Variants in ADGRE2 observed in about 807,000 individuals in gnomAD.
ADGRE2 encodes CD97 antigen.
A neutral mutation model predicts 100.8 loss-of-function variants in ADGRE2; 83 were observed. That is an observed-to-expected ratio of 0.82 (90% confidence interval 0.69 to 0.99). The LOEUF is 0.99. ADGRE2 is among the 50% of genes least tolerant of loss of function. The probability of loss-of-function intolerance (pLI) is 0.00; values close to 1 mark genes in which losing one functional copy is unlikely to be tolerated. For missense variants in ADGRE2, 814 were observed against 1,035.7 expected, an observed-to-expected ratio of 0.79 and a Z score of 2.94; for synonymous variants, 355 against 413.0, an observed-to-expected ratio of 0.86 and a Z score of 1.70.
intron 5 of ADGRE2, among the ~76,000 whole-genome samples, chr19:14,770,674 T>TTTTTC (rs1568623153): frequency 0.088 from 2,335 of 26,638 alleles, 337 homozygotes; most frequent in African/African-American, 0.27. Context: ...CTTTTCTTTT[T>TTTTTC]TTTTTTTTTT....
intron 5 of ADGRE2, among the ~76,000 whole-genome samples, chr19:14,771,727 G>A (rs1032985444): frequency 7.9e-5 from 12 of 151,690 alleles, no homozygotes; most frequent in South Asian, 2.1e-4. Flanking sequence ...TGAAACCTCC[G>A]ACTCCCTGGT....
rs139418141 is a variant in ADGRE2, at chr19:14,765,379, C to T, written c.847G>A (p.Asp283Asn). The T allele has an allele frequency of 2.8e-5, 45 of 1,614,028 alleles. No individual in the cohort carries two copies. Among genetic ancestry groups the T allele is most frequent in the African/African-American group, 1.7e-4 (13 of 74,926 alleles). ...VHSQTLSRFF[D>N]KVQDLGRDYK... ...TCTCTGCCCAGGTCCTGGACTTTGT[C>T]GAAGAATCGGGAAAGCGTCTGCAGA... Residue 283 changes from aspartate (D) to asparagine (N), a missense_variant, in exon 10 of 21, where the codon GAC (aspartate) becomes AAC (asparagine). Around this residue, in one of 5 missense-constraint regions of ADGRE2, gnomAD observed 569 missense variants for 692.7 expected, o/e 0.82. Transcript: ENST00000315576.
intron 4 of ADGRE2, among the ~76,000 whole-genome samples, chr19:14,773,298 C>T (rs1348965949): frequency 1.3e-5 from 2 of 148,516 alleles, no homozygotes; most frequent in South Asian, 2.2e-4. Context: ...CCCTTCCTTC[C>T]TTCCTTCTTT....
At chr19:14,745,120 C>T (rs1396486775) in intron 18 of ADGRE2, among the ~76,000 whole-genome samples, 1 of 151,932 alleles carries the variant, frequency 6.6e-6, no homozygotes. Flanking sequence ...TTTGGCCAGG[C>T]TGGTCTCGAA....
At chr19:14,749,531 T>TGGTTATATAATTATTTATAG (rs1162888996) in intron 16 of ADGRE2, among the ~76,000 whole-genome samples, 13 of 118,070 alleles carry the variant, frequency 1.1e-4, no homozygotes, top group African/African-American at 5.4e-4. Context: ...AATATAATTA[T>TGGTTATATAATTATTTATAG]TTATGGTTAT....
At chr19:14,773,759 G>A (rs983904443) in intron 4 of ADGRE2, among the ~76,000 whole-genome samples, 179 bp downstream of exon 4, 4 of 151,288 alleles carry the variant, frequency 2.6e-5, no homozygotes, top group Admixed American at 6.6e-5. Context: ...TGATCCACCC[G>A]CCTCTGCCTC....
intron 18 of ADGRE2, among the ~76,000 whole-genome samples, chr19:14,744,441 G>T (rs1568582636): frequency 6.6e-6 from 1 of 151,872 alleles, no homozygotes; most frequent in Non-Finnish European, 1.5e-5. Context: ...CCCTGTAGAG[G>T]AATTATTTTT....
At chr19:14,766,012 A>G in intron 7 of ADGRE2, 1 of 909,640 alleles carries the variant, frequency 1.1e-6, no homozygotes, top group East Asian at 2.6e-5. Context: ...CCTTCCTCCC[A>G]GTGAGTCATC....
intron 4 of ADGRE2, 38 bp from the exon 5 acceptor site, chr19:14,772,535 T>C (rs372452822): frequency 2.7e-5 from 44 of 1,610,060 alleles, no homozygotes; most frequent in Admixed American, 3.4e-5. Flanking sequence ...CTCCCAAAGA[T>C]GTGAGTTCCG....
At chr19:14,736,504 G>C (rs1161759252) in intron 20 of ADGRE2, among the ~76,000 whole-genome samples, 1 of 151,668 alleles carries the variant, frequency 6.6e-6, no homozygotes, top group Non-Finnish European at 1.5e-5. Flanking sequence ...CAGGTGATCT[G>C]CCTGCCTCAG....
chr19:14,737,976 CAAAAA>C (rs1313610745), intron 20 of ADGRE2, among the ~76,000 whole-genome samples: 1 of 102,338 alleles, frequency 9.8e-6, no homozygotes. Context: ...AACTCCCTCT[CAAAAA>C]AAAAAAAAAA....
At position 14,755,025 on chromosome 19, in the gene ADGRE2, C is replaced by T. The variant is rs2043440350; in HGVS notation, c.1519G>A (p.Asp507Asn). 2.5e-6 allele frequency: 4 copies of T among 1,614,028 alleles called. No homozygotes were observed. Among genetic ancestry groups the T allele is most frequent in the South Asian group, 1.1e-5 (1 of 91,088 alleles). The change falls in exon 14 of 21, where the codon GAC (aspartate) becomes AAC (asparagine). Residue 507 changes from aspartate to asparagine, a missense_variant. Asp to Asn is a conservative substitution (Grantham distance 23). This residue lies in a region of ADGRE2 where 569 missense variants were observed against 692.7 expected (regional missense o/e 0.82). Coordinates refer to ENST00000315576, the MANE Select transcript of ADGRE2 (RefSeq NM_013447.4). ...GTGCAACGGCAGATGGTGCTGGTGT[C>T]TCTGGTGCCTATTGTGCTGCAGCCT... ...TTGCSTIGTR[D>N]TSTICRCTHL... is the part of the protein sequence containing the mutation.
rs757876958 is a variant in ADGRE2, at chr19:14,743,760, A to C, written c.2208T>G (p.Ala736=). 6.2e-7 allele frequency: 1 copy of C among 1,614,134 alleles called. No homozygotes were observed. The highest frequency in any genetic ancestry group is 1.1e-5 in the South Asian group (1 of 91,080). Residue 736 remains alanine (A), a synonymous_variant, in exon 19 of 21, where the codon GCT becomes GCG. Transcript: ENST00000315576. ...ACGTGCAGCCCAGGATGAACAGCTG[A>C]GCTGTCGCTTTAAATGCCAGCATCC... ...NTRMLAFKAT[A]QLFILGCTWC...
At chr19:14,751,931 ATTTTTTTTTTT>A (rs199828270) in intron 15 of ADGRE2, among the ~76,000 whole-genome samples, 24 of 133,758 alleles carry the variant, frequency 1.8e-4, no homozygotes, top group African/African-American at 4.0e-4. Flanking sequence ...ATATATATAT[ATTTTTTTTTTT>A]TTTTTTTTGA....
chr19:14,763,216 A>G (rs1398717771), intron 11 of ADGRE2, among the ~76,000 whole-genome samples: 3 of 151,736 alleles, frequency 2.0e-5, no homozygotes, highest in Non-Finnish European at 2.9e-5. Context: ...GGTGGCGGGC[A>G]CCTGTAGTCC....
At chr19:14,740,693 T>C (rs2042903974) in intron 20 of ADGRE2, among the ~76,000 whole-genome samples, 1 of 151,800 alleles carries the variant, frequency 6.6e-6, no homozygotes, top group Non-Finnish European at 1.5e-5. Flanking sequence ...AAAAAGTGCC[T>C]GGCAGCATGG....
chr19:14,752,453 G>A lies in ADGRE2; in HGVS notation c.1664C>T (p.Ala555Val). 6.2e-7 allele frequency: 1 copy of A among 1,614,120 alleles called. No individual in the cohort carries two copies. Among genetic ancestry groups the A allele is most frequent in the Non-Finnish European group, 8.5e-7 (1 of 1,180,028 alleles). ...GGCTTTACACAGGAGAAAAGTGAGG[G>A]CCGCCAGGAGGAGGCACAGCAGAGA... The part of the protein sequence containing the change: ...SVSLLCLLLA[A>V]LTFLLCKAIQ... The change falls in exon 15 of 21, where the codon GCC (alanine) becomes GTC (valine). Residue 555 changes from alanine (A) to valine (V), a missense_variant. Physicochemically the swap from Ala to Val is moderately conservative, Grantham distance 64 (BLOSUM62 0). Transcript: ENST00000315576.
intron 11 of ADGRE2, among the ~76,000 whole-genome samples, chr19:14,761,594 G>A (rs1009904089): frequency 6.6e-6 from 1 of 151,108 alleles, no homozygotes; most frequent in Non-Finnish European, 1.5e-5. Context: ...CTGTAAAATC[G>A]AGCTGCAGAC....
intron 16 of ADGRE2, among the ~76,000 whole-genome samples, chr19:14,750,971 G>A (rs1680491162): frequency 6.6e-6 from 1 of 151,974 alleles, no homozygotes; most frequent in African/African-American, 2.4e-5. Flanking sequence ...GTGCCAGTAG[G>A]CCCTGCTAAT....
Sources: allele counts gnomAD v4.1 joint callset (sites outside exome capture counted in the v4.1 genomes callset), GRCh38; gene constraint gnomAD v4.1.1; regional missense constraint gnomAD v4.1.1; transcripts MANE v1.5; gene names NCBI Gene and HGNC (gene_info 2026-07-23, HGNC 2026-07-21).